The following DLG2 variants were observed in gnomAD, a reference collection of about 807,000 sequenced individuals.
DLG2 encodes disks large homolog 2.
Under a neutral mutation model 132.5 loss-of-function variants are expected in DLG2, and 45 were observed. The observed-to-expected ratio is 0.34, with a 90% CI of 0.27 to 0.44. DLG2 has a LOEUF of 0.44. DLG2 is among the 20% of genes least tolerant of loss of function. DLG2 has a pLI of 1.00. For synonymous variants in DLG2, 424 were observed against 419.6 expected, an observed-to-expected ratio of 1.01 and a Z score of -0.13; for missense variants, 1,045 against 1,196.9, an observed-to-expected ratio of 0.87 and a Z score of 1.87.
intron 7 of DLG2, among the ~76,000 whole-genome samples, chr11:84,316,212 G>T (rs1253673449): frequency 6.6e-6 from 1 of 152,238 alleles, no homozygotes; most frequent in African/African-American, 2.4e-5. Flanking sequence ...TAAACTTATT[G>T]CTTCTCCATG....
At chr11:84,738,751 G>A (rs1239767351) in intron 6 of DLG2, among the ~76,000 whole-genome samples, 1 of 152,020 alleles carries the variant, frequency 6.6e-6, no homozygotes, top group African/African-American at 2.4e-5. Flanking sequence ...TAAATGTATT[G>A]TACAACACAG....
intron 6 of DLG2, among the ~76,000 whole-genome samples, chr11:84,813,517 A>T (rs1244881430): frequency 6.6e-6 from 1 of 152,098 alleles, no homozygotes; most frequent in Non-Finnish European, 1.5e-5. Context: ...ATTCTTTGCA[A>T]TGTATAGGAA....
chr11:85,229,107 C>T (rs2075143411), intron 4 of DLG2, among the ~76,000 whole-genome samples: 1 of 151,768 alleles, frequency 6.6e-6, no homozygotes, highest in Non-Finnish European at 1.5e-5. Flanking sequence ...TACAACTGTA[C>T]ACTTCCATTT....
intron 3 of DLG2, among the ~76,000 whole-genome samples, chr11:85,299,141 A>C (rs145666184): frequency 1.3e-5 from 2 of 152,278 alleles, no homozygotes; most frequent in East Asian, 3.9e-4. Flanking sequence ...TTGTATGTAC[A>C]TTATCTCATT....
intron 22 of DLG2, among the ~76,000 whole-genome samples, chr11:83,483,095 A>C (rs969399569): frequency 6.6e-6 from 1 of 152,154 alleles, no homozygotes; most frequent in South Asian, 2.1e-4. Context: ...AAAACGATCG[A>C]AAGTTACTTT....
intron 7 of DLG2, among the ~76,000 whole-genome samples, chr11:84,366,470 C>T (rs1265961797): frequency 6.6e-6 from 1 of 151,910 alleles, no homozygotes; most frequent in Non-Finnish European, 1.5e-5. Flanking sequence ...ACAATATTAA[C>T]TTAAAATGTA....
chr11:85,450,874 T>C (rs1389477177), intron 3 of DLG2, among the ~76,000 whole-genome samples: 1 of 152,134 alleles, frequency 6.6e-6, no homozygotes, highest in African/African-American at 2.4e-5. Context: ...AGCTTTTTTC[T>C]GCCTCCTTTG....
intron 4 of DLG2, among the ~76,000 whole-genome samples, chr11:85,200,297 T>C (rs1376162737): frequency 2.0e-5 from 3 of 152,190 alleles, no homozygotes; most frequent in African/African-American, 7.2e-5. Flanking sequence ...TGAGATGGAA[T>C]CATCTTAGCA....
chr11:83,721,541 A>G (rs1011798036), intron 18 of DLG2, among the ~76,000 whole-genome samples: 1 of 152,226 alleles, frequency 6.6e-6, no homozygotes, highest in African/African-American at 2.4e-5. Context: ...TCACTTCACA[A>G]CACAGACAGT....
intron 21 of DLG2, among the ~76,000 whole-genome samples, chr11:83,520,639 G>GA (rs2095443498): frequency 6.8e-6 from 1 of 147,954 alleles, no homozygotes; most frequent in Non-Finnish European, 1.5e-5. Flanking sequence ...AGGTAGGTAG[G>GA]TAGATAGATA....
intron 6 of DLG2, among the ~76,000 whole-genome samples, chr11:84,557,311 G>C (rs1194431761): frequency 6.6e-6 from 1 of 152,014 alleles, no homozygotes; most frequent in Non-Finnish European, 1.5e-5. Context: ...TTCATCTGTG[G>C]ATTTCTTGCT....
chr11:84,564,954 A>G (rs1277951932), intron 6 of DLG2, among the ~76,000 whole-genome samples: 1 of 152,206 alleles, frequency 6.6e-6, no homozygotes, highest in Non-Finnish European at 1.5e-5. Flanking sequence ...ATACATAAAA[A>G]TTACATTCTA....
At chr11:85,413,081 T>C (rs1470540662) in intron 3 of DLG2, among the ~76,000 whole-genome samples, 1 of 151,872 alleles carries the variant, frequency 6.6e-6, no homozygotes. Flanking sequence ...TCTACCATTT[T>C]TTGATTTTTT....
At chr11:84,880,369 G>A (rs1001578773) in intron 6 of DLG2, among the ~76,000 whole-genome samples, 20 of 152,044 alleles carry the variant, frequency 1.3e-4, no homozygotes, top group African/African-American at 4.1e-4. Flanking sequence ...CCCAGCCACC[G>A]GGTGACTTAT....
chr11:85,182,311 G>A (rs1413867512), intron 4 of DLG2, among the ~76,000 whole-genome samples: 2 of 151,852 alleles, frequency 1.3e-5, no homozygotes, highest in African/African-American at 4.8e-5. Flanking sequence ...TTGTCCTTGT[G>A]TTCTTTACAC....
At chr11:85,347,596 C>A (rs2152871791) in intron 3 of DLG2, among the ~76,000 whole-genome samples, 1 of 152,126 alleles carries the variant, frequency 6.6e-6, no homozygotes, top group South Asian at 2.1e-4. Flanking sequence ...AGCTTCTGTA[C>A]TCTACTGGGA....
intron 7 of DLG2, among the ~76,000 whole-genome samples, chr11:84,478,853 G>A (rs1042537178): frequency 2.0e-5 from 3 of 151,944 alleles, no homozygotes; most frequent in Non-Finnish European, 2.9e-5. Flanking sequence ...TAGAATCTTT[G>A]ACGTATAAAA....
At chr11:85,166,369 T>C (rs531055745) in intron 4 of DLG2, among the ~76,000 whole-genome samples, 60 of 152,254 alleles carry the variant, frequency 3.9e-4, no homozygotes, top group African/African-American at 1.4e-3. Flanking sequence ...GTATTTCCTC[T>C]AAAAAATCAC....
At chr11:84,381,883 G>A (rs910020799) in intron 7 of DLG2, among the ~76,000 whole-genome samples, 4 of 152,162 alleles carry the variant, frequency 2.6e-5, no homozygotes, top group Non-Finnish European at 4.4e-5. Context: ...TCCTGTAAGG[G>A]GGAAGCATCT....
Sources: gnomAD v4.1 joint callset for allele counts (sites outside exome capture counted in the v4.1 genomes callset) on GRCh38, gnomAD v4.1.1 for gene constraint, MANE v1.5 for transcripts, NCBI Gene and HGNC (gene_info 2026-07-23, HGNC 2026-07-21) for gene names.